The following KLK4 variants were observed in gnomAD, a reference collection of about 807,000 sequenced individuals.
KLK4 encodes kallikrein-4.
A neutral mutation model predicts 24.3 loss-of-function variants in KLK4; 24 were observed. The ratio of observed to expected loss-of-function variants is 0.99; its 90% confidence interval spans 0.72 to 1.39. The LOEUF (loss-of-function observed/expected upper bound fraction) is 1.39, where lower values mean the gene tolerates loss of function less well. Among genes scored for constraint, KLK4 ranks in the 40% most tolerant of loss-of-function variants. KLK4 has a pLI of 0.00. For missense variants in KLK4, 344 were observed against 327.4 expected, an observed-to-expected ratio of 1.05 and a Z score of -0.39; for synonymous variants, 142 against 138.8, an observed-to-expected ratio of 1.02 and a Z score of -0.16.
Position 50,908,578 on chromosome 19 carries a change from C to G in KLK4, c.475+1G>C, listed in dbSNP as rs778964540. On this transcript the variant is annotated splice_donor_variant, in intron 4 of 5. Coordinates refer to ENST00000324041, the Ensembl canonical transcript of KLK4. LOFTEE classifies it high-confidence loss of function. The stretch of plus-strand genomic sequence containing the variant: ...GGGCAGACACACACCCGTGAGCTCA[C>G]CGTTCGCCAGCAGACCCCAGCCAGA... 2 of 1,614,128 alleles carry G rather than the reference C, an allele frequency of 1.2e-6. No individual in the cohort carries two copies. Among genetic ancestry groups the G allele is most frequent in the Admixed American group, 1.7e-5 (1 of 60,008 alleles).
intron 1 of KLK4, among the ~76,000 whole-genome samples, 169 bp downstream of exon 1, chr19:50,911,170 A>AGACCCCTAACTAGAGACAGT (rs2090485184): frequency 6.6e-6 from 1 of 152,202 alleles, no homozygotes; most frequent in Non-Finnish European, 1.5e-5. Flanking sequence ...AGAGACAGAG[A>AGACCCCTAACTAGAGACAGT]GACCCCTAAC....
chr19:50,909,065 T>C, intron 3 of KLK4, 187 bp downstream of exon 3: 1 of 1,480,968 alleles, frequency 6.8e-7, no homozygotes, highest in East Asian at 2.5e-5. Flanking sequence ...CAGGACTCTC[T>C]GAGTCCTTCC....
At chr19:50,908,696 T>C in exon 4 of KLK4, 1 of 1,614,160 alleles carries the variant, frequency 6.2e-7, no homozygotes, top group South Asian at 1.1e-5. Flanking sequence ...TCCAACTTGA[T>C]GAGCATGAGG....
intron 5 of KLK4, 193 bp downstream of exon 5, chr19:50,908,166 T>C (rs1425798018): frequency 1.0e-5 from 7 of 699,194 alleles, no homozygotes; most frequent in Non-Finnish European, 1.7e-5. Flanking sequence ...TGTCTGTTTC[T>C]GTTTCTCTCT....
rs1014572747 is a variant in KLK4 at position 50,910,551 on chromosome 19, G to A, written c.61+127C>T. 6 of 865,294 alleles carry A rather than the reference G, an allele frequency of 6.9e-6. No individual in the cohort carries two copies. The highest frequency in any genetic ancestry group is 3.4e-5 in the African/African-American group (2 of 59,638). 53.6% of individuals were successfully genotyped at this position (865,294 alleles called of 1,614,324 possible). ...TTGCAGGGGCACAGCCATGGGGGACGGATAACACGGTACCGTCTCACAGGC... is the reference window on the plus strand; with the variant it reads ...TTGCAGGGGCACAGCCATGGGGGACAGATAACACGGTACCGTCTCACAGGC... On this transcript the variant is annotated intron_variant, in intron 2 of 5. Coordinates refer to ENST00000324041, the Ensembl canonical transcript of KLK4. This position sits in a 1 kb window ranked among gnomAD's most constrained non-coding sequence, Gnocchi z 4.4.
intron 5 of KLK4, 145 bp from the exon 6 acceptor site, chr19:50,907,231 G>T: frequency 1.2e-6 from 1 of 855,160 alleles, no homozygotes; most frequent in Non-Finnish European, 1.9e-6. Context: ...TCTGTTGGAA[G>T]TCCCATTCCA....
At chr19:50,909,441 G>C (rs1439126103) in intron 2 of KLK4, 27 bp from the exon 3 acceptor site, 1 of 1,612,674 alleles carries the variant, frequency 6.2e-7, no homozygotes, top group African/African-American at 1.3e-5. Flanking sequence ...GGATGGGATC[G>C]GGACCAGGAG....
rs1027759564 is a variant in KLK4 at position 50,910,073 on chromosome 19, G to A, written c.61+605C>T. Reference sequence around the variant, plus strand: ...AACAGAGGAGTCTAGGCTCATAGCAGTAGGATCGGGTCCTTCGGGGTGAAT... The same window carrying A: ...AACAGAGGAGTCTAGGCTCATAGCAATAGGATCGGGTCCTTCGGGGTGAAT... On this transcript the variant is annotated intron_variant, in intron 2 of 5. Coordinates refer to ENST00000324041, the Ensembl canonical transcript of KLK4. The surrounding 1 kb of genome is among the most constrained non-coding windows in gnomAD (Gnocchi z 4.4). 2.6e-5 allele frequency among the ~76,000 whole-genome samples: 4 copies of A among 152,024 alleles called. No individual in the cohort carries two copies. Among genetic ancestry groups the A allele is most frequent in the African/African-American group, 9.7e-5 (4 of 41,350 alleles).
At chr19:50,909,995 C>G (rs893072531) in intron 2 of KLK4, among the ~76,000 whole-genome samples, 3 of 151,984 alleles carry the variant, frequency 2.0e-5, no homozygotes, top group Admixed American at 2.0e-4. Context: ...GGGGTGAGCT[C>G]TGGAGGTGAG....
At chr19:50,906,840 G>A (rs954048647) in exon 6 of KLK4, 2 of 1,506,732 alleles carry the variant, frequency 1.3e-6, no homozygotes, top group African/African-American at 1.4e-5. Context: ...TGGACTCCTG[G>A]GCCTGAGGGA....
intron 3 of KLK4, 39 bp downstream of exon 3, chr19:50,909,213 G>A (rs1266405116): frequency 3.7e-6 from 6 of 1,613,898 alleles, no homozygotes; most frequent in South Asian, 3.3e-5. Flanking sequence ...CCCGCCCCCG[G>A]ACCCAGGCCC....
chr19:50,907,891 A>T (rs2090447717), intron 5 of KLK4: 1 of 244,476 alleles, frequency 4.1e-6, no homozygotes, highest in Non-Finnish European at 8.0e-6. Flanking sequence ...GCAACAATTT[A>T]AAAAAATTCA....
exon 3 of KLK4, chr19:50,909,327 A>T (rs2090464703): frequency 1.2e-6 from 2 of 1,614,202 alleles, no homozygotes; most frequent in South Asian, 2.2e-5. Flanking sequence ...TTCGTTTTCC[A>T]TGACCAGTGC....
intron 5 of KLK4, chr19:50,907,977 A>G: frequency 2.9e-6 from 1 of 345,864 alleles, no homozygotes; most frequent in Non-Finnish European, 5.5e-6. Flanking sequence ...ACGTATGCAT[A>G]AATCGACTAT....
exon 4 of KLK4, chr19:50,908,623 G>A: frequency 6.2e-7 from 1 of 1,614,216 alleles, no homozygotes; most frequent in Non-Finnish European, 8.5e-7. Flanking sequence ...AGAGTTCCCC[G>A]CGGTAGGGCA....
chr19:50,907,153 A>G (rs2090440017), intron 5 of KLK4, 67 bp from the exon 6 acceptor site: 6 of 1,511,582 alleles, frequency 4.0e-6, no homozygotes, highest in Admixed American at 3.4e-5. Flanking sequence ...TGGGCTCAGA[A>G]AGGAACTAAA....
intron 2 of KLK4, among the ~76,000 whole-genome samples, chr19:50,909,950 T>C (rs1292260568): frequency 6.7e-6 from 1 of 150,100 alleles, no homozygotes; most frequent in Non-Finnish European, 1.5e-5. Context: ...TCTCAGAAGG[T>C]GGGACCAGGG....
rs2242669 is a variant in KLK4, at chr19:50,910,534, G to A, written c.61+144C>T. The A allele has an allele frequency of 0.18, 139,927 of 775,154 alleles. 13,535 individuals carry two copies. Among genetic ancestry groups the A allele is most frequent in the African/African-American group, 0.3 (17,254 of 58,206 alleles). The allele number at this position is 775,154 out of a possible 1,614,324, so 48.0% of individuals were successfully genotyped here. A position where few individuals can be genotyped will look rare whatever the true frequency, so the allele number is the denominator to read the frequency against. ...TACCACGATACAAGGAGTTGCAGGG[G>A]CACAGCCATGGGGGACGGATAACAC... On this transcript the variant is annotated intron_variant, in intron 2 of 5. Coordinates refer to ENST00000324041, the Ensembl canonical transcript of KLK4. The surrounding 1 kb of genome is among the most constrained non-coding windows in gnomAD (Gnocchi z 4.4).
chr19:50,910,958 A>AAGAG lies in KLK4; in HGVS notation c.-11-213_-11-210dup, dbSNP rs3830681. ...AGAAAAAGAGAGAGAGAGATGGGAA[A>AAGAG]AGAGAGAGAGAGAGAGAACTAGGTA... On this transcript the variant is annotated intron_variant, in intron 1 of 5. Transcript: ENST00000324041. The surrounding 1 kb of genome is among the most constrained non-coding windows in gnomAD (Gnocchi z 4.4). Among the ~76,000 whole-genome samples the AAGAG allele has an allele frequency of 4.6e-5, 7 of 151,320 alleles. No homozygotes were observed. The East Asian group carries it at 9.7e-4, about 21-fold the overall frequency.
Sources: gnomAD v4.1 joint callset for allele counts (sites outside exome capture counted in the v4.1 genomes callset) on GRCh38, gnomAD v4.1.1 for gene constraint, Gnocchi (gnomAD v3.1) non-coding constraint, MANE v1.5 for transcripts, NCBI Gene and HGNC (gene_info 2026-07-23, HGNC 2026-07-21) for gene names.